ZNF626: variants seen among roughly 807,000 people sequenced by gnomAD.
The protein encoded by ZNF626 is zinc finger protein 626, also known as CTC-513N18.7.
A neutral mutation model predicts 11.7 loss-of-function variants in ZNF626; 4 were observed. That is an observed-to-expected ratio of 0.34 (90% CI 0.17 to 0.78). The LOEUF (loss-of-function observed/expected upper bound fraction) is 0.78. Ranked by LOEUF, ZNF626 falls within the 30% of genes least tolerant of loss-of-function variation. The pLI is 0.57. For synonymous variants in ZNF626, 179 were observed against 198.6 expected, an observed-to-expected ratio of 0.90 and a Z score of 0.83; for missense variants, 588 against 587.1, an observed-to-expected ratio of 1.00 and a Z score of -0.01.
rs782785099 is a variant in ZNF626, at chr19:20,625,232, G to T, written c.645C>A (p.Ser215Arg). ...TATGAATTTTCTTATGTCTAGTAAG[G>T]CTACAAGAGTGGTTAAAGGCTTTGC... ...ECGKAFNHSC[S>R]LTRHKKIHTG... Residue 215 changes from serine to arginine, a missense_variant, in exon 4 of 4, where the codon AGC becomes AGA. Ser to Arg is a moderately radical substitution (Grantham distance 110). Around this residue, in one of 4 missense-constraint regions of ZNF626, gnomAD observed 524 missense variants for 470.1 expected, o/e 1.11. Transcript: ENST00000601440. 18 of 1,612,260 alleles carry T rather than the reference G, an allele frequency of 1.1e-5. No homozygotes were observed. Among genetic ancestry groups the T allele is most frequent in the Non-Finnish European group, 1.7e-6 (2 of 1,179,890 alleles).
chr19:20,638,425 CTAAATAAA>C (rs60283787), intron 3 of ZNF626, among the ~76,000 whole-genome samples: 6 of 141,102 alleles, frequency 4.3e-5, no homozygotes, highest in African/African-American at 8.0e-5. Context: ...AACTGCATGT[CTAAATAAA>C]TAAATAAATA....
rs1260905016 is a variant in ZNF626 at position 20,648,792 on chromosome 19, G to A, written c.4-2387C>T. 3.9e-5 allele frequency among the ~76,000 whole-genome samples: 6 copies of A among 152,156 alleles called. No individual in the cohort carries two copies. In the East Asian group the frequency reaches 1.2e-3, roughly 29 times the overall value. On this transcript the variant is annotated intron_variant, in intron 1 of 3. Coordinates refer to ENST00000601440, the MANE Select transcript of ZNF626 (RefSeq NM_001076675.3). ...CAGTTTTCCCCAATAGAAATCTTGA[G>A]TATCCACATCTTTCCATGTTCAACA...
intron 3 of ZNF626, among the ~76,000 whole-genome samples, chr19:20,642,989 T>C (rs1970039195): frequency 2.0e-5 from 3 of 147,678 alleles, no homozygotes; most frequent in Non-Finnish European, 4.4e-5. Context: ...CCAGTCTGGA[T>C]GAGAGAGGGT....
At chr19:20,639,250 C>G (rs1315922132) in intron 3 of ZNF626, among the ~76,000 whole-genome samples, 4 of 152,030 alleles carry the variant, frequency 2.6e-5, no homozygotes, top group African/African-American at 9.6e-5. Flanking sequence ...ACATGTCCCA[C>G]CAGGTCCTAC....
At chr19:20,643,613 T>C (rs1244563634) in intron 3 of ZNF626, among the ~76,000 whole-genome samples, 3 of 152,104 alleles carry the variant, frequency 2.0e-5, no homozygotes, top group African/African-American at 7.2e-5. Context: ...GTGACATCAG[T>C]AAGATGAAAA....
At chr19:20,661,330 GGGGGAGCAGACT>G in intron 1 of ZNF626, 102 bp downstream of exon 1, 2 of 1,386,238 alleles carry the variant, frequency 1.4e-6, no homozygotes, top group South Asian at 2.3e-5. Flanking sequence ...AAGGAGAACT[GGGGGAGCAGACT>G]GTGGAGCTGA....
At chr19:20,645,223 C>T in intron 3 of ZNF626, 1 of 1,299,998 alleles carries the variant, frequency 7.7e-7, no homozygotes. Context: ...GTAATAAAAA[C>T]AGAATGGACT....
At chr19:20,637,976 C>T (rs1599479262) in intron 3 of ZNF626, among the ~76,000 whole-genome samples, 1 of 151,488 alleles carries the variant, frequency 6.6e-6, no homozygotes, top group African/African-American at 2.4e-5. Flanking sequence ...TCTGTCTCTA[C>T]AAAAAATACA....
chr19:20,661,321 A>C, intron 1 of ZNF626, 123 bp downstream of exon 1: 2 of 1,325,284 alleles, frequency 1.5e-6, no homozygotes, highest in Non-Finnish European at 2.2e-6. Flanking sequence ...GAGCTGAGCA[A>C]GGAGAACTGG....
chr19:20,660,887 A>G (rs1371224042), intron 1 of ZNF626, among the ~76,000 whole-genome samples: 2 of 152,206 alleles, frequency 1.3e-5, no homozygotes, highest in African/African-American at 4.8e-5. Flanking sequence ...GTAGAAGAAG[A>G]GGTAGGGTTG....
chr19:20,658,013 A>G (rs1490246152), intron 1 of ZNF626, among the ~76,000 whole-genome samples: 1 of 152,096 alleles, frequency 6.6e-6, no homozygotes, highest in African/African-American at 2.4e-5. Flanking sequence ...TTAGTACCTC[A>G]GTGACAAAAT....
intron 1 of ZNF626, among the ~76,000 whole-genome samples, chr19:20,657,084 G>A (rs1555773200): frequency 6.6e-6 from 1 of 152,148 alleles, no homozygotes; most frequent in Non-Finnish European, 1.5e-5. Flanking sequence ...AGAAAATATG[G>A]TATGGTCAGA....
intron 3 of ZNF626, among the ~76,000 whole-genome samples, chr19:20,635,791 G>T (rs868961372): frequency 3.3e-5 from 5 of 151,998 alleles, no homozygotes; most frequent in African/African-American, 1.2e-4. Context: ...ATAAATAGAC[G>T]CTGAAATTGG....
At chr19:20,649,383 G>A (rs192294075) in intron 1 of ZNF626, among the ~76,000 whole-genome samples, 8 of 152,064 alleles carry the variant, frequency 5.3e-5, no homozygotes, top group African/African-American at 1.7e-4. Flanking sequence ...CCCCTGCCAC[G>A]GACACCAGCC....
chr19:20,634,002 G>A (rs1285826424), intron 3 of ZNF626, among the ~76,000 whole-genome samples: 1 of 152,116 alleles, frequency 6.6e-6, no homozygotes, highest in South Asian at 2.1e-4. Flanking sequence ...CAAGCTACAA[G>A]TTAAGTTAAA....
At chr19:20,659,084 G>A (rs1383641603) in intron 1 of ZNF626, among the ~76,000 whole-genome samples, 3 of 152,166 alleles carry the variant, frequency 2.0e-5, no homozygotes, top group African/African-American at 7.2e-5. Context: ...TCCACCTTTT[G>A]TGTGCTCCAG....
Position 20,625,297 on chromosome 19 carries a change from T to C in ZNF626, c.580A>G (p.Ile194Val). The C allele has an allele frequency of 1.9e-6, 3 of 1,613,974 alleles. No homozygotes were observed. The highest frequency in any genetic ancestry group is 2.5e-6 in the Non-Finnish European group (3 of 1,179,982). Reference sequence around the variant, plus strand: ...TTGTAGGGTTTCCCTCCAGTATGAATTTTCTTATGTGTAGTAAGAGTTGAG... The same window carrying C: ...TTGTAGGGTTTCCCTCCAGTATGAACTTTCTTATGTGTAGTAAGAGTTGAG... ...QFSTLTTHKK[I>V]HTGGKPYKCE... The change falls in exon 4 of 4, where the codon ATT becomes GTT. Residue 194 changes from isoleucine to valine, a missense_variant. This residue lies in a region of ZNF626 where 524 missense variants were observed against 470.1 expected (regional missense o/e 1.11). Coordinates refer to ENST00000601440, the MANE Select transcript of ZNF626 (RefSeq NM_001076675.3).
rs1042606043 is a variant in ZNF626 at position 20,624,636 on chromosome 19, G to T, written c.1241C>A (p.Thr414Lys). The change falls in exon 4 of 4, where the codon ACA becomes AAA. Residue 414 changes from threonine (T) to lysine (K), a missense_variant. Around this residue, in one of 4 missense-constraint regions of ZNF626, gnomAD observed 15 missense variants for 28.3 expected, o/e 0.53. Coordinates refer to ENST00000601440, the MANE Select transcript of ZNF626 (RefSeq NM_001076675.3). ...CTCTCCAGTATGAATTTTCTTATGT[G>T]TAGTAAGGTTAGAGGAGTACTTAAA... is the stretch of plus-strand genomic sequence containing the variant. ...KAFKYSSNLT[T>K]HKKIHTGERP... 4 of 1,590,220 alleles carry T rather than the reference G, an allele frequency of 2.5e-6. No individual in the cohort carries two copies.
intron 1 of ZNF626, among the ~76,000 whole-genome samples, chr19:20,650,173 G>T (rs1378235055): frequency 6.6e-6 from 1 of 151,630 alleles, no homozygotes; most frequent in African/African-American, 2.4e-5. Context: ...CTAAGTGTAT[G>T]ATAATTTTCA....
Sources: gnomAD v4.1 joint callset for allele counts (sites outside exome capture counted in the v4.1 genomes callset) on GRCh38, gnomAD v4.1.1 for gene constraint, gnomAD v4.1.1 regional missense constraint, MANE v1.5 for transcripts, NCBI Gene and HGNC (gene_info 2026-07-23, HGNC 2026-07-21) for gene names.